TTC8: variants seen among roughly 807,000 people sequenced by gnomAD.
TTC8 encodes tetratricopeptide repeat protein 8.
In TTC8, 47 loss-of-function variants were observed where a neutral mutation model predicts 72.5. The ratio of observed to expected loss-of-function variants is 0.65; its 90% CI spans 0.51 to 0.83. The LOEUF (loss-of-function observed/expected upper bound fraction) is 0.83, where lower values mean the gene tolerates loss of function less well. TTC8 is among the 40% of genes least tolerant of loss of function. TTC8 has a pLI of 0.00. For synonymous variants in TTC8, 199 were observed against 221.4 expected, an observed-to-expected ratio of 0.90 and a Z score of 0.90; for missense variants, 611 against 623.2, an observed-to-expected ratio of 0.98 and a Z score of 0.21.
chr14:88,853,129 G>A (rs931432817), intron 8 of TTC8, 73 bp downstream of exon 8: 20 of 1,050,724 alleles, frequency 1.9e-5, no homozygotes, highest in Admixed American at 1.1e-4. Flanking sequence ...TACTTTTTGA[G>A]GGGGGGGAGA....
intron 3 of TTC8, 22 bp from the exon 4 acceptor site, chr14:88,840,843 T>A (rs2140976013): frequency 6.2e-7 from 1 of 1,611,500 alleles, no homozygotes; most frequent in Non-Finnish European, 8.5e-7. Context: ...ATATAAATTG[T>A]ATTAGCCATC....
chr14:88,826,728 T>C (rs1308847760), intron 1 of TTC8, among the ~76,000 whole-genome samples: 1 of 152,170 alleles, frequency 6.6e-6, no homozygotes, highest in African/African-American at 2.4e-5. Context: ...GAACCTTTGA[T>C]GTGCCAGACA....
At chr14:88,847,468 A>G (rs988840267) in intron 7 of TTC8, among the ~76,000 whole-genome samples, 9 of 152,216 alleles carry the variant, frequency 5.9e-5, no homozygotes, top group Non-Finnish European at 7.3e-5. Flanking sequence ...TATAAATTAT[A>G]TATTTTTATT....
chr14:88,826,086 C>G (rs2094698832), intron 1 of TTC8, among the ~76,000 whole-genome samples: 1 of 151,914 alleles, frequency 6.6e-6, no homozygotes, highest in Non-Finnish European at 1.5e-5. Context: ...CTCCCAGGTT[C>G]AAGCGATTCT....
intron 13 of TTC8, among the ~76,000 whole-genome samples, chr14:88,873,763 G>A (rs577844717): frequency 6.6e-6 from 1 of 152,154 alleles, no homozygotes; most frequent in Non-Finnish European, 1.5e-5. Context: ...TACTAAATAT[G>A]TTCATACAAT....
At chr14:88,848,957 G>A (rs1197651375) in intron 7 of TTC8, among the ~76,000 whole-genome samples, 1 of 152,074 alleles carries the variant, frequency 6.6e-6, no homozygotes, top group Non-Finnish European at 1.5e-5. Context: ...ATATTAAAAT[G>A]CTGCCAATTT....
intron 8 of TTC8, among the ~76,000 whole-genome samples, chr14:88,854,162 A>C (rs536282672): frequency 6.6e-6 from 1 of 152,330 alleles, no homozygotes; most frequent in African/African-American, 2.4e-5. Flanking sequence ...ACTCTTATGA[A>C]TGTAATTCCT....
intron 10 of TTC8, 146 bp from the exon 11 acceptor site, chr14:88,869,913 G>A: frequency 3.9e-6 from 3 of 777,194 alleles, no homozygotes; most frequent in East Asian, 2.7e-5. Context: ...TGTTCATATT[G>A]TATCCCCAGG....
intron 9 of TTC8, among the ~76,000 whole-genome samples, chr14:88,860,875 C>A (rs1566851318): frequency 6.6e-6 from 1 of 151,314 alleles, no homozygotes; most frequent in Non-Finnish European, 1.5e-5. Context: ...GCGATCACAG[C>A]TCACTGCGGC....
At position 88,841,168 on chromosome 14, in the gene TTC8, C is replaced by G. The variant is rs772682434; in HGVS notation, c.461C>G (p.Ser154Cys). The change falls in exon 5 of 15, where the codon TCC becomes TGC. Residue 154 changes from serine (S) to cysteine (C), a missense_variant. Physicochemically the swap from Ser to Cys is moderately radical, Grantham distance 112. Coordinates refer to ENST00000380656, the MANE Select transcript of TTC8 (RefSeq NM_144596.4). ...TAYTARPITS[S>C]SGRFVRLGTA... ...TACACAGCCCGCCCTATCACCAGCT[C>G]CTCCGGAAGATTTGTCAGGCTGGGA... The G allele has an allele frequency of 1.2e-6, 2 of 1,613,940 alleles. No homozygotes were observed. The highest frequency in any genetic ancestry group is 1.7e-6 in the Non-Finnish European group (2 of 1,180,022).
Position 88,841,529 on chromosome 14 carries a change from T to C in TTC8, c.579+15T>C. The C allele has an allele frequency of 6.3e-7, 1 of 1,585,708 alleles. No homozygotes were observed. Among genetic ancestry groups the C allele is most frequent in the South Asian group, 1.1e-5 (1 of 90,476 alleles). ...AGTTGGCAAAGGTATGTACTTAAAA[T>C]GATTTTGAGTTATGAAGTAATATTA... On this transcript the variant is annotated intron_variant, in intron 6 of 14. Coordinates refer to ENST00000380656, the MANE Select transcript of TTC8 (RefSeq NM_144596.4).
chr14:88,847,538 A>G (rs1413947439), intron 7 of TTC8, among the ~76,000 whole-genome samples: 1 of 152,030 alleles, frequency 6.6e-6, no homozygotes, highest in African/African-American at 2.4e-5. Context: ...AAAATCGTTG[A>G]CTCTTTTATC....
chr14:88,867,926 A>G (rs1430460149), intron 10 of TTC8, among the ~76,000 whole-genome samples: 1 of 152,192 alleles, frequency 6.6e-6, no homozygotes, highest in African/African-American at 2.4e-5. Context: ...GAAGAAATAT[A>G]TATAAAACAT....
chr14:88,870,300 G>A (rs2094928589), intron 11 of TTC8, 102 bp downstream of exon 11: 4 of 1,317,930 alleles, frequency 3.0e-6, no homozygotes, highest in Non-Finnish European at 4.4e-6. Flanking sequence ...TATAGGCCAT[G>A]TCTTTATGAA....
At chr14:88,842,290 G>A (rs1007721788) in intron 6 of TTC8, among the ~76,000 whole-genome samples, 2 of 152,190 alleles carry the variant, frequency 1.3e-5, no homozygotes, top group South Asian at 2.1e-4. Context: ...GGTGTTTAAC[G>A]TATGTGTTTA....
chr14:88,824,865 C>T (rs1200431463), intron 1 of TTC8, 44 bp downstream of exon 1: 2 of 1,532,484 alleles, frequency 1.3e-6, no homozygotes, highest in Middle Eastern at 1.7e-4. Context: ...GACGCTGAGG[C>T]TGCGGGGTCT....
At chr14:88,830,795 C>T (rs1176604091) in intron 1 of TTC8, 1 of 453,154 alleles carries the variant, frequency 2.2e-6, no homozygotes, top group Non-Finnish European at 4.4e-6. Flanking sequence ...GAGAGCGACC[C>T]AAAGAGGAAA....
At chr14:88,879,332 A>G (rs1206324779), downstream of TTC8, 2 of 152,174 alleles carry the variant, frequency 1.3e-5, no homozygotes, top group East Asian at 3.9e-4. Context: ...CACAAAAAAT[A>G]CTAATAATTG....
intron 2 of TTC8, among the ~76,000 whole-genome samples, chr14:88,834,964 G>C (rs1477397770): frequency 6.6e-6 from 1 of 152,158 alleles, no homozygotes; most frequent in African/African-American, 2.4e-5. Flanking sequence ...ATACAAAAGG[G>C]AACAAGGCTG....
Sources: allele counts gnomAD v4.1 joint callset (sites outside exome capture counted in the v4.1 genomes callset), GRCh38; gene constraint gnomAD v4.1.1; transcripts MANE v1.5; gene names NCBI Gene and HGNC (gene_info 2026-07-23, HGNC 2026-07-21).